The following TNS3 variants were observed in gnomAD, a reference collection of about 807,000 sequenced individuals.
The protein encoded by TNS3 is tensin-3.
TNS3 carries 45 observed loss-of-function variants against 140.9 expected under a neutral mutation model. The ratio of observed to expected loss-of-function variants is 0.32; its 90% CI spans 0.25 to 0.41. TNS3 has a LOEUF of 0.41. TNS3 is among the 10% of genes least tolerant of loss of function. The pLI, the probability that TNS3 is intolerant of heterozygous loss-of-function variation, is 1.00. For missense variants in TNS3, 1,716 were observed against 1,906.7 expected (o/e 0.90, Z 1.86); for synonymous variants, 815 against 788.4 (o/e 1.03, Z -0.56).
In TNS3 at chr7:47,344,957, G is replaced by A; in HGVS notation, c.2533C>T (p.Pro845Ser). The change falls in exon 19 of 31, where the codon CCA (proline) becomes TCA (serine). Residue 845 changes from proline (P) to serine (S), a missense_variant. Transcript: ENST00000311160. ...GTCTCTGGAGACACAGGAAATGCTG[G>A]AGTTGAACACATGGACTCCTTGCTA... ...LSSKESMCST[P>S]AFPVSPETPY... is the part of the protein sequence containing the mutation. 5 of 1,614,222 alleles carry A rather than the reference G, an allele frequency of 3.1e-6. No homozygotes were observed. Among genetic ancestry groups the A allele is most frequent in the Non-Finnish European group, 4.2e-6 (5 of 1,180,040 alleles).
At chr7:47,367,882 T>C (rs1790801187) in intron 17 of TNS3, among the ~76,000 whole-genome samples, 1 of 152,226 alleles carries the variant, frequency 6.6e-6, no homozygotes, top group African/African-American at 2.4e-5. Context: ...AATCAATTCC[T>C]TGTGCCAAAG....
intron 16 of TNS3, among the ~76,000 whole-genome samples, chr7:47,375,494 G>T (rs1791326673): frequency 6.6e-6 from 1 of 152,180 alleles, no homozygotes; most frequent in Non-Finnish European, 1.5e-5. Flanking sequence ...TTGTCTCCTT[G>T]GAGGACTTGC....
intron 1 of TNS3, among the ~76,000 whole-genome samples, chr7:47,530,869 A>G (rs1799381144): frequency 7.0e-6 from 1 of 143,704 alleles, no homozygotes; most frequent in African/African-American, 2.6e-5. Flanking sequence ...TTCTAGCACA[A>G]GAAATGTGAC....
At chr7:47,502,432 A>G (rs1244270467) in intron 3 of TNS3, among the ~76,000 whole-genome samples, 1 of 152,192 alleles carries the variant, frequency 6.6e-6, no homozygotes, top group African/African-American at 2.4e-5. Flanking sequence ...AGAAGCCATA[A>G]ACTCTAGGTC....
At chr7:47,421,967 C>T (rs1039170408) in intron 10 of TNS3, among the ~76,000 whole-genome samples, 1 of 152,140 alleles carries the variant, frequency 6.6e-6, no homozygotes, top group African/African-American at 2.4e-5. Flanking sequence ...CAGCCTGCAG[C>T]GCACCCATCC....
intron 1 of TNS3, among the ~76,000 whole-genome samples, chr7:47,534,513 G>A (rs1371411301): frequency 6.6e-6 from 1 of 152,044 alleles, no homozygotes; most frequent in Non-Finnish European, 1.5e-5. Context: ...GCTGACCCAG[G>A]CTCCACCCCA....
Position 47,303,228 on chromosome 7 carries a change from GCCC to G in TNS3, c.3176_3178del (p.Gly1059del), listed in dbSNP as rs1562776872. ...GTGGGACAGGAAGCCATTGTCGGCA[GCCC>G]CTGTCGCTGTCAGCGGGATGCTGGG... is the stretch of plus-strand genomic sequence containing the variant. On this transcript the variant is annotated inframe_deletion, in exon 22 of 31. Transcript: ENST00000311160. The G allele has an allele frequency of 6.2e-7, 1 of 1,613,790 alleles. No individual in the cohort carries two copies.
intron 4 of TNS3, among the ~76,000 whole-genome samples, chr7:47,452,242 C>T (rs1796047212): frequency 6.6e-6 from 1 of 152,210 alleles, no homozygotes; most frequent in South Asian, 2.1e-4. Flanking sequence ...GCCCATTTAA[C>T]AGTAGGAGAA....
chr7:47,281,452 A>G (rs12702333), intron 28 of TNS3, among the ~76,000 whole-genome samples: 95,267 of 152,106 alleles, frequency 0.63, 30,353 homozygotes, highest in Middle Eastern at 0.77. Context: ...ACCGGCACAG[A>G]GTAAAGCTCA....
At chr7:47,512,004 G>A (rs964729528) in intron 2 of TNS3, among the ~76,000 whole-genome samples, 4 of 152,208 alleles carry the variant, frequency 2.6e-5, no homozygotes, top group African/African-American at 9.6e-5. Flanking sequence ...TGTTCCCATG[G>A]GGACCAGGGA....
At chr7:47,427,583 T>C (rs1267998672) in intron 9 of TNS3, among the ~76,000 whole-genome samples, 2 of 152,134 alleles carry the variant, frequency 1.3e-5, no homozygotes, top group African/African-American at 4.8e-5. Context: ...AGGGTCCGGG[T>C]GTACACCACA....
chr7:47,581,332 A>T (rs933643881), intron 1 of TNS3: 1 of 141,652 alleles, frequency 7.1e-6, no homozygotes, highest in African/African-American at 2.6e-5. Flanking sequence ...CCACCCCAGA[A>T]TATCCCCCCA....
At chr7:47,324,336 G>A (rs1787910400) in intron 20 of TNS3, among the ~76,000 whole-genome samples, 1 of 152,166 alleles carries the variant, frequency 6.6e-6, no homozygotes, top group Non-Finnish European at 1.5e-5. Context: ...ATAATCTGCT[G>A]GCACTCTGAC....
At position 47,538,235 on chromosome 7, in the gene TNS3, G is replaced by A. The variant is rs551379940; in HGVS notation, c.-264-9088C>T. Among the ~76,000 whole-genome samples, 3 of 152,178 alleles carry A rather than the reference G, an allele frequency of 2.0e-5. No homozygotes were observed. In the East Asian group the frequency reaches 5.8e-4, roughly 29 times the overall value. On this transcript the variant is annotated intron_variant, in intron 1 of 30. Transcript: ENST00000311160. ...TGTCGGACTTCACCAGCCTTCCCGGGGCAGTGGATCTTGGCTGTCTGCAAG... is the reference window on the plus strand; with the variant it reads ...TGTCGGACTTCACCAGCCTTCCCGGAGCAGTGGATCTTGGCTGTCTGCAAG...
chr7:47,526,793 A>T (rs1799209251), intron 2 of TNS3, among the ~76,000 whole-genome samples: 1 of 152,194 alleles, frequency 6.6e-6, no homozygotes, highest in African/African-American at 2.4e-5. Flanking sequence ...GCACAGGACC[A>T]GGGCTCTCGG....
intron 16 of TNS3, among the ~76,000 whole-genome samples, chr7:47,374,881 G>A (rs886327602): frequency 1.3e-5 from 2 of 152,172 alleles, no homozygotes; most frequent in African/African-American, 2.4e-5. Context: ...CCTAGGAGCA[G>A]GCAGGGTGAG....
At chr7:47,479,921 A>C (rs938921284) in intron 4 of TNS3, among the ~76,000 whole-genome samples, 2 of 151,558 alleles carry the variant, frequency 1.3e-5, no homozygotes, top group Non-Finnish European at 2.9e-5. Flanking sequence ...CTGGCCACTC[A>C]AGTGATGAGG....
chr7:47,304,766 C>T (rs1490713497), intron 21 of TNS3, 66 bp downstream of exon 21: 2 of 1,315,254 alleles, frequency 1.5e-6, no homozygotes, highest in Non-Finnish European at 2.0e-6. Flanking sequence ...GCTGGTCCCA[C>T]ATGCCTCTCA....
intron 16 of TNS3, among the ~76,000 whole-genome samples, chr7:47,390,431 ACGCGGTATG>A (rs1792445409): frequency 6.6e-6 from 1 of 152,180 alleles, no homozygotes; most frequent in African/African-American, 2.4e-5. Context: ...TACTCTGAGA[ACGCGGTATG>A]GCCACTTCAG....
Sources: allele counts gnomAD v4.1 joint callset (sites outside exome capture counted in the v4.1 genomes callset), GRCh38; gene constraint gnomAD v4.1.1; transcripts MANE v1.5; gene names NCBI Gene and HGNC (gene_info 2026-07-23, HGNC 2026-07-21).